Variants in GMDS observed in about 807,000 individuals in gnomAD.
GMDS encodes the protein GDP-mannose 4,6 dehydratase.
A neutral mutation model predicts 49.9 loss-of-function variants in GMDS; 20 were observed. The observed-to-expected ratio is 0.40, with a 90% CI of 0.28 to 0.58. The LOEUF (loss-of-function observed/expected upper bound fraction) is 0.58, where lower values mean the gene tolerates loss of function less well. GMDS is among the 20% of genes least tolerant of loss of function. The pLI is 0.42. For synonymous variants in GMDS, 177 were observed against 178.6 expected (o/e 0.99, Z 0.07); for missense variants, 362 against 481.4 (o/e 0.75, Z 2.32).
intron 1 of GMDS, among the ~76,000 whole-genome samples, chr6:2,174,105 G>A (rs1208304742): frequency 1.3e-5 from 2 of 152,128 alleles, no homozygotes; most frequent in African/African-American, 4.8e-5. Context: ...TGTGACCTTG[G>A]GCGGTCTCAC....
chr6:1,702,183 G>A (rs1765565953), intron 9 of GMDS, among the ~76,000 whole-genome samples: 1 of 152,256 alleles, frequency 6.6e-6, no homozygotes, highest in Non-Finnish European at 1.5e-5. Flanking sequence ...GCAGTAGCTG[G>A]ACTCCGACTC....
At chr6:1,798,237 GCA>G (rs70992103) in intron 7 of GMDS, among the ~76,000 whole-genome samples, 27,593 of 142,932 alleles carry the variant, frequency 0.19, 2,788 homozygotes, top group Non-Finnish European at 0.26. Flanking sequence ...TAATTACAGA[GCA>G]CACACACACA....
intron 1 of GMDS, among the ~76,000 whole-genome samples, chr6:2,175,391 T>C (rs1778229749): frequency 6.6e-6 from 1 of 152,218 alleles, no homozygotes; most frequent in African/African-American, 2.4e-5. Flanking sequence ...GGAAATTCTT[T>C]TCCAAGAAGA....
chr6:2,092,927 G>T (rs771191126), intron 4 of GMDS, among the ~76,000 whole-genome samples: 6 of 152,134 alleles, frequency 3.9e-5, no homozygotes, highest in Non-Finnish European at 8.8e-5. Context: ...AAAGATAATA[G>T]GAGGTTGTCA....
chr6:2,052,130 A>AAAAAAAAAAAAAAAAAAAAAC (rs1770448378), intron 4 of GMDS, among the ~76,000 whole-genome samples: 1 of 133,746 alleles, frequency 7.5e-6, no homozygotes, highest in Non-Finnish European at 1.6e-5. Flanking sequence ...AAAAAAAAAA[A>AAAAAAAAAAAAAAAAAAAAAC]GAAAAAAAAA....
chr6:2,165,630 C>A (rs921402475), intron 1 of GMDS, among the ~76,000 whole-genome samples: 5 of 152,234 alleles, frequency 3.3e-5, no homozygotes. Context: ...ACAAAATAAC[C>A]ATCACATAGC....
At position 1,982,976 on chromosome 6, in the gene GMDS, C is replaced by G. The variant is rs1765307773; in HGVS notation, c.346-22010G>C. Among the ~76,000 whole-genome samples the G allele has an allele frequency of 3.9e-5, 6 of 152,264 alleles. No homozygotes were observed. The South Asian group carries it at 1.2e-3, about 32-fold the overall frequency. On this transcript the variant is annotated intron_variant, in intron 4 of 10. Transcript: ENST00000380815. ...AGGCATCATGCTACCTGAATTCAAA[C>G]TACACTACAAGGCTACAGTAATCAA...
intron 4 of GMDS, among the ~76,000 whole-genome samples, chr6:2,112,669 C>T (rs1467011647): frequency 1.5e-4 from 23 of 152,226 alleles, no homozygotes; most frequent in Admixed American, 1.5e-3. Flanking sequence ...CTCTCAACTT[C>T]TAAACCCCTT....
chr6:1,626,856 G>T (rs1253552203), intron 9 of GMDS, among the ~76,000 whole-genome samples: 1 of 152,190 alleles, frequency 6.6e-6, no homozygotes, highest in African/African-American at 2.4e-5. Flanking sequence ...TAAGGAAAAA[G>T]AAAAATGTTT....
intron 7 of GMDS, among the ~76,000 whole-genome samples, chr6:1,747,884 C>T (rs1198543326): frequency 6.6e-6 from 1 of 152,068 alleles, no homozygotes; most frequent in Non-Finnish European, 1.5e-5. Context: ...CGCTGTGTCA[C>T]ACGGATTCCT....
chr6:1,698,171 G>A (rs1383514747), intron 9 of GMDS, among the ~76,000 whole-genome samples: 1 of 152,184 alleles, frequency 6.6e-6, no homozygotes, highest in African/African-American at 2.4e-5. Flanking sequence ...CAGCCTCCTG[G>A]GGAGATTAAA....
intron 6 of GMDS, among the ~76,000 whole-genome samples, chr6:1,957,768 G>T (rs62391632): frequency 0.16 from 24,069 of 152,132 alleles, 1,943 homozygotes; most frequent in East Asian, 0.2. Context: ...TATTTTAAAT[G>T]AAGACGTGTT....
intron 1 of GMDS, among the ~76,000 whole-genome samples, chr6:2,166,557 T>C (rs890151691): frequency 3.3e-5 from 5 of 152,236 alleles, no homozygotes; most frequent in Non-Finnish European, 7.3e-5. Flanking sequence ...TAGAACCTTA[T>C]TCATACTACT....
At chr6:2,195,867 C>A (rs234938) in intron 1 of GMDS, among the ~76,000 whole-genome samples, 6,192 of 150,396 alleles carry the variant, frequency 0.041, 259 homozygotes, top group South Asian at 0.13. Context: ...AATAATAAAT[C>A]ATGCTGACAG....
At chr6:2,088,890 G>T (rs557978178) in intron 4 of GMDS, among the ~76,000 whole-genome samples, 1 of 152,280 alleles carries the variant, frequency 6.6e-6, no homozygotes, top group Non-Finnish European at 1.5e-5. Context: ...TGTCAGAGCT[G>T]GTCCTTGTCC....
chr6:2,154,863 C>CAAAAAAAAAAAAAAAAAAAAAAAAAAAA (rs70992124), intron 1 of GMDS, among the ~76,000 whole-genome samples: 1 of 65,626 alleles, frequency 1.5e-5, no homozygotes, highest in Non-Finnish European at 3.0e-5. Context: ...TGAAGAGATG[C>CAAAAAAAAAAAAAAAAAAAAAAAAAAAA]AAAAAAAAAA....
At chr6:2,051,611 C>A (rs1425554662) in intron 4 of GMDS, among the ~76,000 whole-genome samples, 1 of 152,086 alleles carries the variant, frequency 6.6e-6, no homozygotes, top group African/African-American at 2.4e-5. Context: ...TGTAATGTTC[C>A]TTTCTCTAAC....
intron 4 of GMDS, among the ~76,000 whole-genome samples, chr6:2,020,039 G>T (rs955093431): frequency 6.6e-6 from 1 of 151,998 alleles, no homozygotes; most frequent in Non-Finnish European, 1.5e-5. Flanking sequence ...TTAGTATATT[G>T]TTTTCTTGTG....
At chr6:1,697,829 T>G (rs1765396317) in intron 9 of GMDS, among the ~76,000 whole-genome samples, 2 of 152,308 alleles carry the variant, frequency 1.3e-5, no homozygotes, top group South Asian at 4.1e-4. Context: ...AGAGGAAGCT[T>G]TCTTCCTTTG....
Sources: allele counts gnomAD v4.1 joint callset (sites outside exome capture counted in the v4.1 genomes callset), GRCh38; gene constraint gnomAD v4.1.1; transcripts MANE v1.5; gene names NCBI Gene and HGNC (gene_info 2026-07-23, HGNC 2026-07-21).